ZFHX3: variants seen among roughly 807,000 people sequenced by gnomAD.
ZFHX3 encodes the protein zinc finger homeobox protein 3.
Under a neutral mutation model 279.1 loss-of-function variants are expected in ZFHX3, and 42 were observed. That is an observed-to-expected ratio of 0.15 (90% confidence interval 0.12 to 0.19). The LOEUF (loss-of-function observed/expected upper bound fraction) is 0.19. Ranked by LOEUF, ZFHX3 falls within the 10% of genes least tolerant of loss-of-function variation. The probability of loss-of-function intolerance (pLI) is 1.00; values close to 1 mark genes in which losing one functional copy is unlikely to be tolerated. For synonymous variants in ZFHX3, 2,293 were observed against 1,957.8 expected, an observed-to-expected ratio of 1.17 and a Z score of -4.52; for missense variants, 4,981 against 4,754.0, an observed-to-expected ratio of 1.05 and a Z score of -1.40.
intron 5 of ZFHX3, among the ~76,000 whole-genome samples, chr16:73,253,416 T>A (rs1413871449): frequency 6.6e-6 from 1 of 151,602 alleles, no homozygotes; most frequent in Non-Finnish European, 1.5e-5. Context: ...ACACAAATGG[T>A]GCATCAGTTG....
intron 3 of ZFHX3, among the ~76,000 whole-genome samples, chr16:72,923,943 C>G (rs1479087338): frequency 6.6e-6 from 1 of 152,220 alleles, no homozygotes; most frequent in African/African-American, 2.4e-5. Flanking sequence ...AACACGATTA[C>G]TCATTACATG....
At position 73,286,919 on chromosome 16, in the gene ZFHX3, G is replaced by A. The variant is rs554091753; in HGVS notation, c.-1193-29783C>T. On this transcript the variant is annotated intron_variant, in intron 4 of 17. Coordinates refer to the ZFHX3 transcript ENST00000641206. ...GTAGGTGTGTGGGTTGGTATGTGTG[G>A]CTGTGTGGGTTGGTGTGTGGCTATG... 1.0e-4 allele frequency among the ~76,000 whole-genome samples: 15 copies of A among 146,604 alleles called. No individual in the cohort carries two copies. The South Asian group carries it at 2.9e-3, about 28-fold the overall frequency.
Position 73,763,127 on chromosome 16 carries a change from C to T in ZFHX3, c.-1607-82887G>A, listed in dbSNP as rs138110422. On this transcript the variant is annotated intron_variant, in intron 1 of 17. Transcript: ENST00000641206. Reference sequence around the variant, plus strand: ...TAAGTCTGTGAAAATTAAGATGTTACGAAAACAAACTAGGAGTCTTCAGTG... The same window carrying T: ...TAAGTCTGTGAAAATTAAGATGTTATGAAAACAAACTAGGAGTCTTCAGTG... Among the ~76,000 whole-genome samples the T allele has an allele frequency of 1.4e-3, 209 of 152,118 alleles. 1 individual carries two copies. Among genetic ancestry groups the T allele is most frequent in the Non-Finnish European group, 2.4e-3 (166 of 68,002 alleles).
intron 4 of ZFHX3, among the ~76,000 whole-genome samples, chr16:73,284,085 G>A (rs138900359): frequency 0.019 from 2,847 of 152,216 alleles, 53 homozygotes; most frequent in East Asian, 0.09. Context: ...TTGGGGGGCC[G>A]AGGCGGGTGG....
chr16:73,249,001 C>G (rs146365392), intron 5 of ZFHX3, among the ~76,000 whole-genome samples: 1 of 152,196 alleles, frequency 6.6e-6, no homozygotes, highest in Non-Finnish European at 1.5e-5. Flanking sequence ...TCACTTCAAA[C>G]TTTTGTGCTC....
At chr16:72,818,346 T>G (rs1267607240) in intron 5 of ZFHX3, among the ~76,000 whole-genome samples, 2 of 152,190 alleles carry the variant, frequency 1.3e-5, no homozygotes, top group Non-Finnish European at 2.9e-5. Flanking sequence ...GAAAGTAGAG[T>G]TACTCTTGGC....
In ZFHX3 at chr16:72,797,671, C is replaced by T; in HGVS notation, c.5011G>A (p.Ala1671Thr). 1.9e-6 allele frequency: 3 copies of T among 1,614,156 alleles called. No homozygotes were observed. Among genetic ancestry groups the T allele is most frequent in the Non-Finnish European group, 2.5e-6 (3 of 1,180,042 alleles). Residue 1671 changes from alanine to threonine, a missense_variant, in exon 9 of 10, where the codon GCT becomes ACT. Ala to Thr is a moderately conservative substitution (Grantham distance 58). Around this residue, in one of 7 missense-constraint regions of ZFHX3, gnomAD observed 1,751 missense variants for 1,770.0 expected, o/e 0.99. Coordinates refer to ENST00000268489, the MANE Select transcript of ZFHX3 (RefSeq NM_006885.4). ...AAGTTAGAGCTTGGAGCAATGCCAG[C>T]ACTGCTTGGATTGGAGGTGGTAAAG... ...NTFTTSNPSS[A>T]GIAPSSNLLS...
intron 1 of ZFHX3, among the ~76,000 whole-genome samples, chr16:72,974,448 C>T (rs1352990732): frequency 1.3e-5 from 2 of 152,106 alleles, no homozygotes; most frequent in Non-Finnish European, 1.5e-5. Flanking sequence ...GTTTTCCTCT[C>T]GGCAGGAAGA....
At chr16:72,830,085 G>A (rs1025939808) in intron 4 of ZFHX3, among the ~76,000 whole-genome samples, 3 of 152,146 alleles carry the variant, frequency 2.0e-5, no homozygotes, top group Admixed American at 6.5e-5. Flanking sequence ...GTTGTGACTC[G>A]CTCCAGATGT....
chr16:73,582,014 T>C (rs187988087), intron 2 of ZFHX3, among the ~76,000 whole-genome samples: 9 of 152,012 alleles, frequency 5.9e-5, no homozygotes, highest in Admixed American at 5.9e-4. Context: ...ACTGGGTAGG[T>C]ATACATGCTT....
At chr16:73,257,608 G>A (rs1359955791) in intron 4 of ZFHX3, among the ~76,000 whole-genome samples, 1 of 152,170 alleles carries the variant, frequency 6.6e-6, no homozygotes. Context: ...ACTCATTGAT[G>A]GGTTGATTGA....
chr16:73,525,559 T>C (rs1485006323), intron 2 of ZFHX3, among the ~76,000 whole-genome samples: 1 of 152,132 alleles, frequency 6.6e-6, no homozygotes, highest in Non-Finnish European at 1.5e-5. Flanking sequence ...TAATTTCAGG[T>C]ACAGACAACA....
chr16:73,284,960 C>T (rs2014556556), intron 4 of ZFHX3, among the ~76,000 whole-genome samples: 2 of 152,190 alleles, frequency 1.3e-5, no homozygotes, highest in Non-Finnish European at 2.9e-5. Flanking sequence ...CCTGTCTCAG[C>T]CTCCCAAGTA....
chr16:73,052,794 AGTCTGCATT>A (rs1397720166), upstream of ZFHX3, among the ~76,000 whole-genome samples: 2 of 152,246 alleles, frequency 1.3e-5, no homozygotes, highest in East Asian at 3.9e-4. Context: ...TGTGTGGGGA[AGTCTGCATT>A]GACAATAACC....
At chr16:73,612,990 G>GA (rs1465787354) in intron 2 of ZFHX3, among the ~76,000 whole-genome samples, 2 of 152,058 alleles carry the variant, frequency 1.3e-5, no homozygotes, top group African/African-American at 2.4e-5. Context: ...CATTCTGAGA[G>GA]AAAAAAATTA....
At chr16:73,105,343 A>G (rs913335349) in intron 7 of ZFHX3, among the ~76,000 whole-genome samples, 11 of 128,704 alleles carry the variant, frequency 8.5e-5, no homozygotes, top group South Asian at 2.6e-4. Flanking sequence ...ACACGTGTGT[A>G]TATATATATA....
intron 1 of ZFHX3, among the ~76,000 whole-genome samples, chr16:73,858,106 A>G (rs528557642): frequency 8.6e-5 from 13 of 151,912 alleles, no homozygotes; most frequent in Non-Finnish European, 1.2e-4. Context: ...AAAAAAAAAA[A>G]AAGAAGAAGA....
intron 3 of ZFHX3, among the ~76,000 whole-genome samples, chr16:73,325,620 T>C (rs1013468969): frequency 6.6e-6 from 1 of 152,106 alleles, no homozygotes; most frequent in Non-Finnish European, 1.5e-5. Flanking sequence ...TGGTGAATGA[T>C]AGTCATGTCT....
At chr16:73,152,086 T>C (rs1009073472) in intron 5 of ZFHX3, among the ~76,000 whole-genome samples, 2 of 152,022 alleles carry the variant, frequency 1.3e-5, no homozygotes, top group African/African-American at 2.4e-5. Flanking sequence ...ACAAGATATT[T>C]TCAGTACATC....
Sources: gnomAD v4.1 joint callset for allele counts (sites outside exome capture counted in the v4.1 genomes callset) on GRCh38, gnomAD v4.1.1 for gene constraint, gnomAD v4.1.1 regional missense constraint, MANE v1.5 for transcripts, NCBI Gene and HGNC (gene_info 2026-07-23, HGNC 2026-07-21) for gene names.